Variants in CDC42BPB observed in about 807,000 individuals in gnomAD.
The protein encoded by CDC42BPB is serine/threonine-protein kinase MRCK beta.
CDC42BPB carries 37 observed loss-of-function variants against 214.9 expected under a neutral mutation model. The ratio of observed to expected loss-of-function variants is 0.17; its 90% CI spans 0.13 to 0.23. The LOEUF (loss-of-function observed/expected upper bound fraction) is 0.23, where lower values mean the gene tolerates loss of function less well. CDC42BPB is among the 10% of genes least tolerant of loss of function. The pLI is 1.00. For synonymous variants in CDC42BPB, 931 were observed against 884.0 expected (o/e 1.05, Z -0.94); for missense variants, 1,694 against 2,227.0 (o/e 0.76, Z 4.82).
Position 102,938,372 on chromosome 14 carries a change from C to A in CDC42BPB, c.4867G>T (p.Ala1623Ser), listed in dbSNP as rs148797004. The A allele has an allele frequency of 2.7e-5, 43 of 1,573,294 alleles. No homozygotes were observed. The African/African-American group carries it at 3.7e-4, about 13-fold the overall frequency. ...GGCTGGCGAGCCAGGTTGGTGGGAGCGGGGCCCGGCCTTTCCTCCTGGGAG... is the reference window on the plus strand; with the variant it reads ...GGCTGGCGAGCCAGGTTGGTGGGAGAGGGGCCCGGCCTTTCCTCCTGGGAG... ...PPSQEERPGP[A>S]PTNLARQPPS... Residue 1623 changes from alanine to serine, a missense_variant, in exon 35 of 37, where the codon GCT (alanine) becomes TCT (serine). Physicochemically the swap from Ala to Ser is moderately conservative, Grantham distance 99 (BLOSUM62 1). Transcript: ENST00000361246.
chr14:103,053,651 A>G (rs1595202110), intron 1 of CDC42BPB, among the ~76,000 whole-genome samples: 1 of 149,400 alleles, frequency 6.7e-6, no homozygotes, highest in Admixed American at 6.7e-5. Flanking sequence ...AGTCCCAGCT[A>G]CTCAGGAGGC....
intron 36 of CDC42BPB, among the ~76,000 whole-genome samples, chr14:102,936,416 T>C (rs1464932397): frequency 6.6e-6 from 1 of 151,990 alleles, no homozygotes; most frequent in Non-Finnish European, 1.5e-5. Context: ...TATTTAGCAA[T>C]AGAAACGCCA....
rs1449911639 is a variant in CDC42BPB at position 102,945,722 on chromosome 14, C to T, written c.3751G>A (p.Ala1251Thr). 6.2e-7 allele frequency: 1 copy of T among 1,612,790 alleles called. No individual in the cohort carries two copies. Among genetic ancestry groups the T allele is most frequent in the South Asian group, 1.1e-5 (1 of 91,074 alleles). Residue 1251 changes from alanine to threonine, a missense_variant and splice_region_variant, in exon 29 of 37, where the codon GCA (alanine) becomes ACA (threonine). By Grantham distance (58) the Ala-to-Thr change is moderately conservative. Around this residue, in one of 7 missense-constraint regions of CDC42BPB, gnomAD observed 567 missense variants for 790.3 expected, o/e 0.72. Transcript: ENST00000361246. ...TCTAGGCCGACTGCAATCCTGTCTG[C>T]ATCTGTGGAGGGGTAAGTAACATAC... ...KAILTAAIVDADRIAVGLEEG... is the reference protein window; with the variant it reads ...KAILTAAIVDTDRIAVGLEEG...
chr14:103,017,918 CCT>C (rs1440277321), intron 1 of CDC42BPB, among the ~76,000 whole-genome samples: 1 of 152,188 alleles, frequency 6.6e-6, no homozygotes, highest in Non-Finnish European at 1.5e-5. Context: ...GTAGAATATC[CCT>C]GTCTGCAGGA....
chr14:102,995,410 G>A (rs1488502319), intron 5 of CDC42BPB, among the ~76,000 whole-genome samples: 2 of 152,162 alleles, frequency 1.3e-5, no homozygotes, highest in Non-Finnish European at 2.9e-5. Flanking sequence ...CCTGACCTCA[G>A]GTGATCCACC....
At chr14:102,939,550 G>A in intron 34 of CDC42BPB, 60 bp downstream of exon 34, 1 of 1,221,012 alleles carries the variant, frequency 8.2e-7, no homozygotes, top group South Asian at 1.2e-5. Flanking sequence ...CAGCATGGCT[G>A]CCTGAGCGGG....
intron 36 of CDC42BPB, among the ~76,000 whole-genome samples, chr14:102,937,844 T>C (rs920051568): frequency 2.6e-5 from 4 of 152,136 alleles, no homozygotes; most frequent in Non-Finnish European, 5.9e-5. Flanking sequence ...GCGGGAAAGC[T>C]TCCATTCCTC....
In CDC42BPB at chr14:102,944,294, T is replaced by A. The variant is rs760742992; in HGVS notation, c.4005A>T (p.Thr1335=). ...GGCAGGTGCCAGAGTTCCTCTTGAG[T>A]GTGGCCGTGGCCATGAGCTGGCAGC... ...TKGCQLMATA[T]LKRNSGTCLF... Residue 1335 remains threonine (T), a synonymous_variant, in exon 30 of 37, where the codon ACA becomes ACT. Coordinates refer to ENST00000361246, the MANE Select transcript of CDC42BPB (RefSeq NM_006035.4). The surrounding 1 kb of genome is among the most constrained non-coding windows in gnomAD (Gnocchi z 6.6). The A allele has an allele frequency of 1.2e-5, 19 of 1,613,098 alleles. No individual in the cohort carries two copies. In the Admixed American group the frequency reaches 3.2e-4, roughly 27 times the overall value.
intron 5 of CDC42BPB, among the ~76,000 whole-genome samples, chr14:102,996,603 A>T (rs562746252): frequency 6.6e-6 from 1 of 152,140 alleles, no homozygotes; most frequent in Non-Finnish European, 1.5e-5. Flanking sequence ...ACCTGAGGTC[A>T]GGAGTTCTAG....
chr14:103,032,269 G>C (rs770466659), intron 1 of CDC42BPB, among the ~76,000 whole-genome samples: 4 of 152,106 alleles, frequency 2.6e-5, no homozygotes, highest in African/African-American at 9.7e-5. Context: ...GCAACCCCGC[G>C]TGGGTGCACA....
intron 34 of CDC42BPB, among the ~76,000 whole-genome samples, chr14:102,939,191 G>A (rs944916321): frequency 3.3e-5 from 5 of 152,066 alleles, no homozygotes; most frequent in Non-Finnish European, 5.9e-5. Flanking sequence ...CGCCCGCCTC[G>A]GCCTCCCAAA....
chr14:102,965,142 C>T (rs959200041), intron 18 of CDC42BPB, among the ~76,000 whole-genome samples: 3 of 151,954 alleles, frequency 2.0e-5, no homozygotes, highest in Non-Finnish European at 2.9e-5. Context: ...CCACGTTGGC[C>T]AGGCTAGTCT....
chr14:102,959,219 C>T (rs1892847713), intron 21 of CDC42BPB, among the ~76,000 whole-genome samples: 1 of 151,156 alleles, frequency 6.6e-6, no homozygotes, highest in Admixed American at 6.6e-5. Context: ...ATCACTTGAA[C>T]CCGGGAGGCA....
intron 3 of CDC42BPB, among the ~76,000 whole-genome samples, chr14:103,005,040 C>T (rs927604373): frequency 1.9e-4 from 28 of 150,620 alleles, no homozygotes; most frequent in Non-Finnish European, 3.5e-4. Context: ...TGGTGGTGGG[C>T]GCCTGTAGTC....
intron 1 of CDC42BPB, among the ~76,000 whole-genome samples, chr14:103,024,785 G>A (rs1436781030): frequency 6.6e-6 from 1 of 152,128 alleles, no homozygotes. Context: ...TATCTCTACA[G>A]GCATATGGTC....
intron 12 of CDC42BPB, 60 bp downstream of exon 12, chr14:102,973,956 G>T (rs1296296149): frequency 2.5e-5 from 39 of 1,541,860 alleles, no homozygotes; most frequent in Non-Finnish European, 3.3e-5. Flanking sequence ...GCATGAACGT[G>T]ACCTTACAGA....
chr14:102,985,793 T>G (rs1894219492), intron 6 of CDC42BPB, among the ~76,000 whole-genome samples: 1 of 152,234 alleles, frequency 6.6e-6, no homozygotes, highest in Non-Finnish European at 1.5e-5. Context: ...ACTGCAACAG[T>G]GGCCACAGAC....
chr14:103,020,896 C>T (rs376475626), intron 1 of CDC42BPB, among the ~76,000 whole-genome samples: 1 of 152,216 alleles, frequency 6.6e-6, no homozygotes, highest in Non-Finnish European at 1.5e-5. Context: ...CTTTGTTTCA[C>T]AATAACTAAG....
intron 1 of CDC42BPB, among the ~76,000 whole-genome samples, chr14:103,045,481 C>G (rs551455921): frequency 6.6e-6 from 1 of 151,752 alleles, no homozygotes; most frequent in Non-Finnish European, 1.5e-5. Context: ...GGAGCAGGCG[C>G]TGTCCAGCCA....
Sources: gnomAD v4.1 joint callset for allele counts (sites outside exome capture counted in the v4.1 genomes callset) on GRCh38, gnomAD v4.1.1 for gene constraint, gnomAD v4.1.1 regional missense constraint, Gnocchi (gnomAD v3.1) non-coding constraint, MANE v1.5 for transcripts, NCBI Gene and HGNC (gene_info 2026-07-23, HGNC 2026-07-21) for gene names.